EPHA7: variants seen among roughly 807,000 people sequenced by gnomAD.
EPHA7 encodes the protein ephrin type-A receptor 7.
EPHA7 carries 25 observed loss-of-function variants against 112.6 expected under a neutral mutation model. The ratio of observed to expected loss-of-function variants is 0.22; its 90% CI spans 0.16 to 0.31. The LOEUF is 0.31. EPHA7 is among the 10% of genes least tolerant of loss of function. The pLI is 1.00. For missense variants in EPHA7, 962 were observed against 1,212.6 expected, an observed-to-expected ratio of 0.79 and a Z score of 3.07; for synonymous variants, 437 against 406.5, an observed-to-expected ratio of 1.07 and a Z score of -0.90.
chr6:93,393,670 C>A (rs1267577192), intron 3 of EPHA7, among the ~76,000 whole-genome samples: 1 of 151,750 alleles, frequency 6.6e-6, no homozygotes, highest in Non-Finnish European at 1.5e-5. Flanking sequence ...GCATGAAATG[C>A]CACTTTGCTT....
chr6:93,419,538 T>G lies in EPHA7; in HGVS notation c.-197A>C. On this transcript the variant is annotated 5_prime_UTR_variant, in exon 1 of 17. Transcript: ENST00000369303. ...GTTCGCTCGCACCGTGTTTGCTGCC[T>G]GCAAGTCTCCGACTGCAGACCGGCC... 1 of 528,186 alleles carries G rather than the reference T, an allele frequency of 1.9e-6. No homozygotes were observed. The highest frequency in any genetic ancestry group is 3.3e-6 in the Non-Finnish European group (1 of 302,824). 32.7% of individuals were successfully genotyped at this position (528,186 alleles called of 1,614,324 possible). A position where few individuals can be genotyped will look rare whatever the true frequency, so the allele number is the denominator to read the frequency against.
At chr6:93,257,954 G>T (rs1452848329) in intron 11 of EPHA7, 145 bp downstream of exon 11, 14 of 739,360 alleles carry the variant, frequency 1.9e-5, no homozygotes, top group Non-Finnish European at 2.9e-5. Flanking sequence ...CATAAAGGAA[G>T]AATTTTTTGA....
Position 93,347,882 on chromosome 6 carries a change from G to A in EPHA7, c.1324+8835C>T, listed in dbSNP as rs1367915408. 2.0e-5 allele frequency among the ~76,000 whole-genome samples: 3 copies of A among 151,768 alleles called. No individual in the cohort carries two copies. In the Admixed American group the frequency reaches 2.0e-4, roughly 10 times the overall value. ...GAATAACTGGGTTATTGCAAAAAAT[G>A]AACTCTTGTTTCCCAAGTATGTAAA... On this transcript the variant is annotated intron_variant, in intron 5 of 16. Coordinates refer to ENST00000369303, the MANE Select transcript of EPHA7 (RefSeq NM_004440.4).
intron 6 of EPHA7, among the ~76,000 whole-genome samples, chr6:93,270,441 TAAA>T (rs772916860): frequency 1.3e-5 from 2 of 151,462 alleles, no homozygotes; most frequent in Non-Finnish European, 3.0e-5. Context: ...CTCAAGCATA[TAAA>T]AACTCCATCA....
intron 13 of EPHA7, among the ~76,000 whole-genome samples, chr6:93,255,576 G>A (rs896645605): frequency 6.6e-6 from 1 of 151,718 alleles, no homozygotes; most frequent in Non-Finnish European, 1.5e-5. Context: ...GTTTTTGTAC[G>A]TAACTATATT....
rs533090936 is a variant in EPHA7 at position 93,392,931 on chromosome 6, C to T, written c.832+17570G>A. ...TTGAAAATGAATAGAAACAGAAATT[C>T]TTTATTAGGAATAACAATTACATAA... is the stretch of plus-strand genomic sequence containing the variant. On this transcript the variant is annotated intron_variant, in intron 3 of 16. Coordinates refer to ENST00000369303, the MANE Select transcript of EPHA7 (RefSeq NM_004440.4). Among the ~76,000 whole-genome samples the T allele has an allele frequency of 2.3e-4, 35 of 151,532 alleles. No homozygotes were observed. The South Asian group carries it at 7.3e-3, about 31-fold the overall frequency.
rs969853943 is a variant in EPHA7, at chr6:93,321,260, A to T, written c.1324+35457T>A. On this transcript the variant is annotated intron_variant, in intron 5 of 16. Transcript: ENST00000369303. ...GGTTCTCAGTATTTGCATTGTAACA[A>T]GCACCTAATATCAACTTTGAGAAGA... Among the ~76,000 whole-genome samples, 5 of 151,976 alleles carry T rather than the reference A, an allele frequency of 3.3e-5. No individual in the cohort carries two copies. The East Asian group carries it at 9.6e-4, about 29-fold the overall frequency.
At chr6:93,328,871 A>T (rs1261176636) in intron 5 of EPHA7, among the ~76,000 whole-genome samples, 2 of 151,538 alleles carry the variant, frequency 1.3e-5, no homozygotes, top group Non-Finnish European at 3.0e-5. Flanking sequence ...ATACAATAAA[A>T]TAGACCAAAT....
intron 5 of EPHA7, among the ~76,000 whole-genome samples, chr6:93,291,798 G>A (rs1287094005): frequency 7.2e-6 from 1 of 139,070 alleles, no homozygotes; most frequent in Non-Finnish European, 1.6e-5. Flanking sequence ...TACTTTTCTG[G>A]AACCAGATTA....
chr6:93,366,948 A>G (rs532156298), intron 3 of EPHA7, among the ~76,000 whole-genome samples: 2 of 152,064 alleles, frequency 1.3e-5, no homozygotes, highest in South Asian at 4.2e-4. Context: ...AAAAAAATGA[A>G]CTATGAAATC....
chr6:93,347,555 G>T (rs975361948), intron 5 of EPHA7, among the ~76,000 whole-genome samples: 1 of 151,842 alleles, frequency 6.6e-6, no homozygotes, highest in African/African-American at 2.4e-5. Flanking sequence ...TTTCAGGATG[G>T]AATTAAATTA....
intron 3 of EPHA7, among the ~76,000 whole-genome samples, chr6:93,393,553 A>G (rs149987175): frequency 2.8e-4 from 43 of 151,946 alleles, no homozygotes; most frequent in Middle Eastern, 3.4e-3. Context: ...TATGATTCCA[A>G]ATACACTGAT....
chr6:93,275,710 T>C (rs1281376968), intron 5 of EPHA7, among the ~76,000 whole-genome samples: 1 of 151,826 alleles, frequency 6.6e-6, no homozygotes, highest in Non-Finnish European at 1.5e-5. Context: ...AAAGCAAAAG[T>C]CTAATGACAG....
Position 93,410,909 on chromosome 6 carries a change from G to A in EPHA7, c.424C>T (p.Leu142Phe). The change falls in exon 3 of 17, where the codon CTC (leucine) becomes TTC (phenylalanine). Residue 142 changes from leucine to phenylalanine, a missense_variant. Physicochemically the swap from Leu to Phe is conservative, Grantham distance 22. Coordinates refer to ENST00000369303, the MANE Select transcript of EPHA7 (RefSeq NM_004440.4). This position sits in a 1 kb window ranked among gnomAD's most constrained non-coding sequence, Gnocchi z 4.0. Reference sequence around the variant, plus strand: ...GCAATGGTGTCTATTTTTACATAGAGGTTTTCTCTTATATTCCTGCCAGTG... The same window carrying A: ...GCAATGGTGTCTATTTTTACATAGAAGTTTTCTCTTATATTCCTGCCAGTG... The part of the protein sequence containing the change: ...YDTGRNIREN[L>F]YVKIDTIAAD... 4 of 1,613,902 alleles carry A rather than the reference G, an allele frequency of 2.5e-6. No homozygotes were observed. Among genetic ancestry groups the A allele is most frequent in the Middle Eastern group, 1.7e-4 (1 of 6,058 alleles).
At chr6:93,335,592 G>T (rs1195884780) in intron 5 of EPHA7, among the ~76,000 whole-genome samples, 1 of 151,806 alleles carries the variant, frequency 6.6e-6, no homozygotes, top group African/African-American at 2.4e-5. Context: ...GGGAAAATAG[G>T]AGCAAAAAGG....
At chr6:93,252,810 A>C (rs1188145627) in intron 14 of EPHA7, among the ~76,000 whole-genome samples, 1 of 151,952 alleles carries the variant, frequency 6.6e-6, no homozygotes, top group South Asian at 2.1e-4. Flanking sequence ...CTAAATAAAA[A>C]AATTAAAGAA....
chr6:93,389,157 G>C (rs1777778172), intron 3 of EPHA7, among the ~76,000 whole-genome samples: 1 of 152,006 alleles, frequency 6.6e-6, no homozygotes, highest in South Asian at 2.1e-4. Context: ...AACCCAGAAA[G>C]CAATTCTTAG....
chr6:93,340,210 G>A (rs35920291), intron 5 of EPHA7, among the ~76,000 whole-genome samples: 148 of 151,752 alleles, frequency 9.8e-4, no homozygotes, highest in Non-Finnish European at 1.7e-3. Context: ...GTATGTATAC[G>A]TGTGTATATG....
At chr6:93,299,320 C>T (rs1338143245) in intron 5 of EPHA7, among the ~76,000 whole-genome samples, 3 of 147,314 alleles carry the variant, frequency 2.0e-5, no homozygotes, top group Admixed American at 1.4e-4. Flanking sequence ...AGCGAGACTC[C>T]GTCTCAAAAA....
Sources: gnomAD v4.1 joint callset for allele counts (sites outside exome capture counted in the v4.1 genomes callset) on GRCh38, gnomAD v4.1.1 for gene constraint, Gnocchi (gnomAD v3.1) non-coding constraint, MANE v1.5 for transcripts, NCBI Gene and HGNC (gene_info 2026-07-23, HGNC 2026-07-21) for gene names.